The following MRPS28 variants were observed in gnomAD, a reference collection of about 807,000 sequenced individuals.
MRPS28 encodes mitochondrial ribosomal protein S28, also known as small ribosomal subunit protein bS1m.
MRPS28 carries 7 observed loss-of-function variants against 10.8 expected under a neutral mutation model. The observed-to-expected ratio is 0.65, with a 90% CI of 0.37 to 1.22. The LOEUF (loss-of-function observed/expected upper bound fraction) is 1.22, where lower values mean the gene tolerates loss of function less well. Among genes scored for constraint, MRPS28 ranks in the 50% most tolerant of loss-of-function variants. MRPS28 has a pLI of 0.02. For synonymous variants in MRPS28, 121 were observed against 93.3 expected (o/e 1.30, Z -1.71); for missense variants, 265 against 232.9 (o/e 1.14, Z -0.90).
intron 2 of MRPS28, among the ~76,000 whole-genome samples, chr8:79,924,429 C>T (rs549925459): frequency 6.6e-6 from 1 of 152,134 alleles, no homozygotes; most frequent in South Asian, 2.1e-4. Context: ...CAGCCACGTC[C>T]CTGTGTGTAT....
intron 1 of MRPS28, among the ~76,000 whole-genome samples, chr8:80,016,604 C>T (rs566353271): frequency 1.9e-3 from 289 of 152,064 alleles, no homozygotes; most frequent in African/African-American, 6.7e-3. Flanking sequence ...CTCAGATCTA[C>T]ATTACATAAA....
chr8:80,005,066 G>A (rs2130171295), intron 1 of MRPS28, among the ~76,000 whole-genome samples: 1 of 152,314 alleles, frequency 6.6e-6, no homozygotes, highest in South Asian at 2.1e-4. Context: ...CACTCTTCAG[G>A]ATATTATCCA....
intron 2 of MRPS28, among the ~76,000 whole-genome samples, chr8:79,936,864 TTG>T (rs1806617892): frequency 6.6e-6 from 1 of 152,176 alleles, no homozygotes; most frequent in Non-Finnish European, 1.5e-5. Context: ...TATTTTTTTG[TTG>T]TTTTTCTTTT....
chr8:79,973,470 T>C (rs566631189), intron 2 of MRPS28, among the ~76,000 whole-genome samples: 2 of 152,032 alleles, frequency 1.3e-5, no homozygotes, highest in Non-Finnish European at 2.9e-5. Context: ...CTGGGCAACA[T>C]ATGAAGACAC....
intron 2 of MRPS28, among the ~76,000 whole-genome samples, chr8:79,948,762 A>T (rs1806998778): frequency 6.6e-6 from 1 of 151,966 alleles, no homozygotes; most frequent in Admixed American, 6.6e-5. Context: ...GATGAATTAC[A>T]CTGATTTTTT....
intron 1 of MRPS28, among the ~76,000 whole-genome samples, chr8:80,019,306 C>T (rs1056957549): frequency 1.4e-5 from 2 of 142,130 alleles, no homozygotes; most frequent in African/African-American, 5.3e-5. Context: ...CTCGTGTGCC[C>T]CCTAAGCATA....
intron 1 of MRPS28, among the ~76,000 whole-genome samples, chr8:80,013,634 C>CAAAAAAAAAAAAAAAAAAGAAAAAAA (rs769292640): frequency 1.3e-5 from 1 of 75,628 alleles, no homozygotes; most frequent in East Asian, 3.6e-4. Flanking sequence ...GACTCCATCT[C>CAAAAAAAAAAAAAAAAAAGAAAAAAA]AAAAAAAAAA....
rs555776155 is a variant in MRPS28 at position 79,980,194 on chromosome 8, G to GTA, written c.395+22804_395+22805insTA. Among the ~76,000 whole-genome samples, 7 of 152,230 alleles carry GTA rather than the reference G, an allele frequency of 4.6e-5. No individual in the cohort carries two copies. In the South Asian group the frequency reaches 1.5e-3, roughly 32 times the overall value. ...AACCAGTACTTTGATAGCACTTTGG[G>GTA]GGTAAGTACTATCTTCAACCACTTT... is the stretch of plus-strand genomic sequence containing the variant. On this transcript the variant is annotated intron_variant, in intron 2 of 2. Coordinates refer to ENST00000276585, the MANE Select transcript of MRPS28 (RefSeq NM_014018.3).
At chr8:79,947,495 G>A (rs574735747) in intron 2 of MRPS28, among the ~76,000 whole-genome samples, 1 of 152,142 alleles carries the variant, frequency 6.6e-6, no homozygotes, top group East Asian at 1.9e-4. Context: ...CTAATATAGA[G>A]AAAGCTGACA....
intron 2 of MRPS28, among the ~76,000 whole-genome samples, chr8:79,986,292 T>C (rs1808169013): frequency 6.6e-6 from 1 of 152,132 alleles, no homozygotes; most frequent in Non-Finnish European, 1.5e-5. Context: ...ATAAGAGCTA[T>C]CTATGAAAAA....
intron 2 of MRPS28, among the ~76,000 whole-genome samples, chr8:79,919,503 G>A (rs923728684): frequency 1.3e-5 from 2 of 152,134 alleles, no homozygotes; most frequent in Non-Finnish European, 2.9e-5. Context: ...ACCACGGCCA[G>A]CTAATTTCAG....
intron 2 of MRPS28, among the ~76,000 whole-genome samples, chr8:79,969,062 C>A (rs1807568143): frequency 6.6e-6 from 1 of 152,122 alleles, no homozygotes. Context: ...AGCAAATGAT[C>A]CTTAAATATT....
chr8:79,959,060 T>C (rs1289083518), intron 2 of MRPS28, among the ~76,000 whole-genome samples: 3 of 152,136 alleles, frequency 2.0e-5, no homozygotes, highest in Admixed American at 2.0e-4. Context: ...TAACAGATTT[T>C]AAAGTGAAAT....
At chr8:80,006,432 G>C (rs543714908) in intron 1 of MRPS28, among the ~76,000 whole-genome samples, 1 of 152,284 alleles carries the variant, frequency 6.6e-6, no homozygotes, top group South Asian at 2.1e-4. Flanking sequence ...GAGCAGAACT[G>C]AAGGAGACAG....
chr8:80,023,870 G>A (rs1303426663), intron 1 of MRPS28, among the ~76,000 whole-genome samples: 1 of 152,028 alleles, frequency 6.6e-6, no homozygotes, highest in Non-Finnish European at 1.5e-5. Flanking sequence ...TTGTCTAAGT[G>A]ACATAAGAAG....
At chr8:80,029,388 T>C (rs1809584488) in intron 1 of MRPS28, among the ~76,000 whole-genome samples, 2 of 152,222 alleles carry the variant, frequency 1.3e-5, no homozygotes, top group South Asian at 4.1e-4. Flanking sequence ...AGTTTAATTA[T>C]TAAAAACTTA....
Position 79,952,452 on chromosome 8 carries a change from C to T in MRPS28, c.396-33304G>A, listed in dbSNP as rs1261843645. Among the ~76,000 whole-genome samples, 11 of 152,142 alleles carry T rather than the reference C, an allele frequency of 7.2e-5. 1 individual carries two copies. The highest frequency in any genetic ancestry group is 6.3e-3 in the Middle Eastern group (2 of 316). ...CACCAAGAGTAGAAATGTTGCCTCA[C>T]TCTATTTGGCAAGAGAATGATGTAA... On this transcript the variant is annotated intron_variant, in intron 2 of 2. Coordinates refer to ENST00000276585, the MANE Select transcript of MRPS28 (RefSeq NM_014018.3).
intron 2 of MRPS28, among the ~76,000 whole-genome samples, chr8:79,973,961 A>T (rs997981167): frequency 1.3e-5 from 2 of 152,134 alleles, no homozygotes; most frequent in African/African-American, 4.8e-5. Flanking sequence ...TATGTTGCCC[A>T]GGCTGATCTC....
chr8:80,006,437 A>G (rs2130177032), intron 1 of MRPS28, among the ~76,000 whole-genome samples: 1 of 152,360 alleles, frequency 6.6e-6, no homozygotes, highest in South Asian at 2.1e-4. Flanking sequence ...GAACTGAAGG[A>G]GACAGAGACA....
Sources: allele counts gnomAD v4.1 joint callset (sites outside exome capture counted in the v4.1 genomes callset), GRCh38; gene constraint gnomAD v4.1.1; transcripts MANE v1.5; gene names NCBI Gene and HGNC (gene_info 2026-07-23, HGNC 2026-07-21).